EXT2: variants seen among roughly 807,000 people sequenced by gnomAD.
The protein encoded by EXT2 is exostosin glycosyltransferase 2, also known as exostosin-2.
In EXT2, 53 loss-of-function variants were observed where a neutral mutation model predicts 81.6. The observed-to-expected ratio is 0.65, with a 90% CI of 0.52 to 0.82. EXT2 has a LOEUF of 0.82. Ranked by LOEUF, EXT2 falls within the 40% of genes least tolerant of loss-of-function variation. The pLI, the probability that EXT2 is intolerant of heterozygous loss-of-function variation, is 0.00. For synonymous variants in EXT2, 320 were observed against 340.0 expected (o/e 0.94, Z 0.65); for missense variants, 774 against 910.2 (o/e 0.85, Z 1.93).
intron 10 of EXT2, among the ~76,000 whole-genome samples, chr11:44,227,930 G>A (rs1234835176): frequency 6.6e-6 from 1 of 152,172 alleles, no homozygotes; most frequent in African/African-American, 2.4e-5. Context: ...TCTGATGGAA[G>A]CCTATGAATG....
chr11:44,225,480 T>C (rs1335564272), intron 10 of EXT2, among the ~76,000 whole-genome samples: 1 of 152,192 alleles, frequency 6.6e-6, no homozygotes, highest in East Asian at 1.9e-4. Context: ...GGTTTTTTCG[T>C]GTTCCCTGCC....
chr11:44,146,074 G>T (rs957000900), intron 7 of EXT2, among the ~76,000 whole-genome samples: 2 of 152,210 alleles, frequency 1.3e-5, no homozygotes, highest in African/African-American at 4.8e-5. Context: ...TTCTTCTGAG[G>T]CTTCTCTGCT....
intron 4 of EXT2, among the ~76,000 whole-genome samples, chr11:44,123,919 G>C (rs1449370617): frequency 6.7e-6 from 1 of 150,102 alleles, no homozygotes; most frequent in Non-Finnish European, 1.5e-5. Flanking sequence ...GACCCTTGGA[G>C]ATCTTTCTTC....
chr11:44,138,356 G>A (rs750696423), intron 7 of EXT2, among the ~76,000 whole-genome samples: 5 of 152,176 alleles, frequency 3.3e-5, no homozygotes, highest in Non-Finnish European at 7.4e-5. Context: ...TTTTACAAGT[G>A]ACAAGTAAGC....
At chr11:44,097,382 T>C (rs1325093508) in intron 1 of EXT2, among the ~76,000 whole-genome samples, 3 of 152,212 alleles carry the variant, frequency 2.0e-5, no homozygotes, top group African/African-American at 4.8e-5. Context: ...AGGCAATGAA[T>C]TGTGGCTTTT....
At chr11:44,105,082 T>G (rs538500895) in intron 1 of EXT2, among the ~76,000 whole-genome samples, 94 of 152,214 alleles carry the variant, frequency 6.2e-4, no homozygotes, top group Non-Finnish European at 1.2e-3. Context: ...AAACTGAAAG[T>G]GATTGCAACA....
At chr11:44,122,061 C>A (rs1156486417) in intron 4 of EXT2, among the ~76,000 whole-genome samples, 1 of 152,074 alleles carries the variant, frequency 6.6e-6, no homozygotes, top group African/African-American at 2.4e-5. Context: ...TGGATGCCCA[C>A]CTGTTTATTC....
At chr11:44,140,491 T>C (rs1343949425) in intron 7 of EXT2, among the ~76,000 whole-genome samples, 1 of 152,172 alleles carries the variant, frequency 6.6e-6, no homozygotes, top group Non-Finnish European at 1.5e-5. Flanking sequence ...CCACTTTTCT[T>C]TCTTTCTTTG....
intron 7 of EXT2, among the ~76,000 whole-genome samples, chr11:44,170,469 A>C (rs778414666): frequency 2.2e-4 from 33 of 152,192 alleles, no homozygotes; most frequent in Non-Finnish European, 3.8e-4. Context: ...AAATCAGAAC[A>C]AAAACTAGCA....
chr11:44,131,513 A>G (rs1954492707), intron 7 of EXT2, among the ~76,000 whole-genome samples: 1 of 152,184 alleles, frequency 6.6e-6, no homozygotes, highest in Non-Finnish European at 1.5e-5. Context: ...TTGAACGCAA[A>G]TCGCAGGTTA....
Position 44,200,299 on chromosome 11 carries a change from C to A in EXT2, c.1495+2281C>A, listed in dbSNP as rs929158444. On this transcript the variant is annotated intron_variant, in intron 9 of 13. Transcript: ENST00000533608. The stretch of plus-strand genomic sequence containing the variant: ...TGTAGGCAGAAATCTACCCCCCTTC[C>A]CACTTTTTTTTTTTTTTCATTCTCC... 4.0e-4 allele frequency among the ~76,000 whole-genome samples: 60 copies of A among 151,592 alleles called. 2 individuals carry two copies. Among genetic ancestry groups the A allele is most frequent in the African/African-American group, 1.4e-3 (58 of 41,384 alleles).
At chr11:44,137,944 A>G (rs1011202732) in intron 7 of EXT2, among the ~76,000 whole-genome samples, 1 of 152,182 alleles carries the variant, frequency 6.6e-6, no homozygotes, top group Admixed American at 6.5e-5. Flanking sequence ...TAATACATAA[A>G]TTATAAGGCC....
rs1956131155 is a variant in EXT2 at position 44,250,665 on chromosome 11, A to G, written c.*6378A>G. Among the ~76,000 whole-genome samples the G allele has an allele frequency of 6.6e-6, 1 of 152,062 alleles. No homozygotes were observed. Among genetic ancestry groups the G allele is most frequent in the Non-Finnish European group, 1.5e-5 (1 of 68,016 alleles). ...ATTTTCTTATGTTATTGAAATGAGC[A>G]CTTGTGATTTGGGCCTCTTTTGAGG... On this transcript the variant is annotated 3_prime_UTR_variant, in exon 14 of 14. Coordinates refer to ENST00000533608, the MANE Select transcript of EXT2 (RefSeq NM_207122.2).
intron 1 of EXT2, among the ~76,000 whole-genome samples, chr11:44,102,809 C>G (rs1001065125): frequency 2.0e-5 from 3 of 152,034 alleles, no homozygotes; most frequent in African/African-American, 7.2e-5. Context: ...GACTAAACAT[C>G]TTTTTATATG....
chr11:44,163,289 T>C (rs1233172860), intron 7 of EXT2, among the ~76,000 whole-genome samples: 1 of 152,262 alleles, frequency 6.6e-6, no homozygotes, highest in African/African-American at 2.4e-5. Flanking sequence ...ACAGTAATTC[T>C]AAACTAAAAG....
intron 9 of EXT2, among the ~76,000 whole-genome samples, chr11:44,198,279 C>G (rs1200768462): frequency 6.6e-6 from 1 of 152,098 alleles, no homozygotes. Context: ...GAAAACAGAT[C>G]TCAGCTTCCC....
intron 1 of EXT2, among the ~76,000 whole-genome samples, chr11:44,106,793 C>G (rs150968620): frequency 0.012 from 1,781 of 152,298 alleles, 36 homozygotes; most frequent in African/African-American, 0.041. Context: ...CCACACCTGG[C>G]TAATTTTTGT....
intron 8 of EXT2, among the ~76,000 whole-genome samples, chr11:44,178,823 T>G (rs1565223869): frequency 6.6e-6 from 1 of 152,172 alleles, no homozygotes; most frequent in Non-Finnish European, 1.5e-5. Flanking sequence ...TGTATGGAAT[T>G]TAGAAATTTT....
chr11:44,108,221 C>G lies in EXT2; in HGVS notation c.509C>G (p.Thr170Arg). Residue 170 changes from threonine to arginine, a missense_variant, in exon 2 of 14, where the codon ACA (threonine) becomes AGA (arginine). Around this residue, in one of 2 missense-constraint regions of EXT2, gnomAD observed 626 missense variants for 670.5 expected, o/e 0.93. Coordinates refer to ENST00000533608, the MANE Select transcript of EXT2 (RefSeq NM_207122.2). The stretch of plus-strand genomic sequence containing the variant: ...CAGAACACACTGCGCATCAAGGAGA[C>G]AGCACAAGCGATGGCCCAGCTCTCT... Reference protein sequence around the residue: ...LNQNTLRIKETAQAMAQLSRW... With the variant: ...LNQNTLRIKERAQAMAQLSRW... 6.2e-7 allele frequency: 1 copy of G among 1,613,280 alleles called. No individual in the cohort carries two copies. Among genetic ancestry groups the G allele is most frequent in the Non-Finnish European group, 8.5e-7 (1 of 1,180,022 alleles).
Sources: gnomAD v4.1 joint callset for allele counts (sites outside exome capture counted in the v4.1 genomes callset) on GRCh38, gnomAD v4.1.1 for gene constraint, gnomAD v4.1.1 regional missense constraint, MANE v1.5 for transcripts, NCBI Gene and HGNC (gene_info 2026-07-23, HGNC 2026-07-21) for gene names.